Variants in URGCP observed in about 807,000 individuals in gnomAD.
The protein encoded by URGCP is up-regulator of cell proliferation.
In URGCP, 13 loss-of-function variants were observed where a neutral mutation model predicts 24.6. That is an observed-to-expected ratio of 0.53 (90% CI 0.34 to 0.84). URGCP has a LOEUF of 0.84. Among genes scored for constraint, URGCP ranks in the 40% least tolerant of loss-of-function variants. The probability of loss-of-function intolerance (pLI) is 0.01; values close to 1 mark genes in which losing one functional copy is unlikely to be tolerated. For synonymous variants in URGCP, 444 were observed against 487.2 expected, an observed-to-expected ratio of 0.91 and a Z score of 1.17; for missense variants, 899 against 1,194.3, an observed-to-expected ratio of 0.75 and a Z score of 3.64.
chr7:43,893,792 A>G (rs1332547037), intron 1 of URGCP, among the ~76,000 whole-genome samples: 1 of 152,098 alleles, frequency 6.6e-6, no homozygotes, highest in African/African-American at 2.4e-5. Context: ...AATTGCTTGA[A>G]CCCGGGAGAC....
intron 1 of URGCP, among the ~76,000 whole-genome samples, chr7:43,900,162 A>G (rs559297517): frequency 8.6e-5 from 13 of 151,874 alleles, no homozygotes; most frequent in African/African-American, 3.1e-4. Context: ...AAGAAAGAAA[A>G]AAAAAAGTCA....
At chr7:43,914,276 T>C (rs919925592) in intron 1 of URGCP, among the ~76,000 whole-genome samples, 1 of 151,754 alleles carries the variant, frequency 6.6e-6, no homozygotes, top group African/African-American at 2.4e-5. Context: ...TGAGGTGGGG[T>C]GGATTGCTTG....
chr7:43,910,576 C>G (rs1231118869), upstream of URGCP, among the ~76,000 whole-genome samples: 2 of 151,572 alleles, frequency 1.3e-5, no homozygotes, highest in Admixed American at 1.3e-4. Flanking sequence ...TCAAAAAGTC[C>G]TGACATGGTG....
intron 1 of URGCP, among the ~76,000 whole-genome samples, chr7:43,899,380 A>G (rs776430983): frequency 4.0e-5 from 6 of 151,206 alleles, no homozygotes; most frequent in Non-Finnish European, 7.4e-5. Context: ...CAGCCCCCCA[A>G]AATGCCAGGA....
chr7:43,895,527 T>G (rs920617424), intron 1 of URGCP, among the ~76,000 whole-genome samples: 1 of 152,142 alleles, frequency 6.6e-6, no homozygotes, highest in East Asian at 1.9e-4. Flanking sequence ...ATATAAAAAT[T>G]AGCTGGATGT....
chr7:43,891,568 C>T lies in URGCP; in HGVS notation c.15-3752G>A, dbSNP rs560665565. Among the ~76,000 whole-genome samples, 18 of 152,272 alleles carry T rather than the reference C, an allele frequency of 1.2e-4. No individual in the cohort carries two copies. The South Asian group carries it at 2.5e-3, about 21-fold the overall frequency. The stretch of plus-strand genomic sequence containing the variant: ...AAAAATGCAAATTAGCTCACTGCAA[C>T]CTTGGCATTATCAGTACTGCACATA... On this transcript the variant is annotated intron_variant, in intron 1 of 5. Transcript: ENST00000453200.
chr7:43,919,191 G>A (rs2095919178), intron 1 of URGCP: 5 of 889,642 alleles, frequency 5.6e-6, no homozygotes, highest in Middle Eastern at 2.2e-4. Flanking sequence ...TAAGAAGCTG[G>A]TGCAGACATA....
intron 1 of URGCP, 56 bp downstream of exon 1, chr7:43,906,506 C>A: frequency 8.5e-7 from 1 of 1,179,452 alleles, no homozygotes; most frequent in Non-Finnish European, 1.1e-6. Flanking sequence ...CTCCGGGTCC[C>A]GCTCCCGTTC....
At chr7:43,921,884 G>A (rs774332104) in intron 1 of URGCP, among the ~76,000 whole-genome samples, 9 of 151,938 alleles carry the variant, frequency 5.9e-5, no homozygotes, top group Non-Finnish European at 1.3e-4. Context: ...ATACAAGCAC[G>A]AGGTTTTCTT....
At chr7:43,883,878 A>G (rs73108122) in intron 3 of URGCP, among the ~76,000 whole-genome samples, 12,802 of 152,200 alleles carry the variant, frequency 0.084, 645 homozygotes, top group East Asian at 0.14. Context: ...CAAGATCCAC[A>G]CACATCAACC....
intron 1 of URGCP, among the ~76,000 whole-genome samples, chr7:43,922,935 TTTCTTTCC>T (rs1007981893): frequency 6.6e-6 from 1 of 151,860 alleles, no homozygotes; most frequent in Non-Finnish European, 1.5e-5. Flanking sequence ...TCTTTCTTTC[TTTCTTTCC>T]TTCTCTCTTT....
In URGCP at chr7:43,878,161, G is replaced by C. The variant is rs567476529; in HGVS notation, c.1302C>G (p.Ile434Met). The stretch of plus-strand genomic sequence containing the variant: ...AGGGTGCCCGCAGCACATTCCCAAC[G>C]ATGGCCCGGATCCTCTTCACGAAGC... Reference protein sequence around the residue: ...SDSFVKRIRAIVGNVLRAPCR... With the variant: ...SDSFVKRIRAMVGNVLRAPCR... The change falls in exon 6 of 6, where the codon ATC becomes ATG. Residue 434 changes from isoleucine to methionine, a missense_variant. Physicochemically the swap from Ile to Met is conservative, Grantham distance 10. Coordinates refer to ENST00000453200, the MANE Select transcript of URGCP (RefSeq NM_001077663.3). The surrounding 1 kb of genome is among the most constrained non-coding windows in gnomAD (Gnocchi z 5.6). The C allele has an allele frequency of 3.1e-6, 5 of 1,614,238 alleles. No homozygotes were observed. In the South Asian group the frequency reaches 5.5e-5, roughly 18 times the overall value.
At chr7:43,899,141 GTATA>G (rs945401322) in intron 1 of URGCP, among the ~76,000 whole-genome samples, 1 of 144,808 alleles carries the variant, frequency 6.9e-6, no homozygotes, top group Non-Finnish European at 1.5e-5. Flanking sequence ...CTCAAAAAGT[GTATA>G]TATATATTTA....
intron 1 of URGCP, among the ~76,000 whole-genome samples, chr7:43,899,816 T>C (rs1177629095): frequency 6.6e-6 from 1 of 152,158 alleles, no homozygotes; most frequent in Admixed American, 6.5e-5. Flanking sequence ...TTTAGTGCCC[T>C]AAAAGAAAGT....
intron 1 of URGCP, among the ~76,000 whole-genome samples, chr7:43,904,499 A>G (rs1161062822): frequency 6.6e-6 from 1 of 152,196 alleles, no homozygotes; most frequent in Non-Finnish European, 1.5e-5. Context: ...TACCTAGTGC[A>G]GTAGCTTAAA....
chr7:43,878,738 TG>T lies in URGCP; in HGVS notation c.724del (p.Gln242SerfsTer71). On this transcript the variant is annotated frameshift_variant, in exon 6 of 6. Coordinates refer to ENST00000453200, the MANE Select transcript of URGCP (RefSeq NM_001077663.3). LOFTEE classifies it low-confidence loss of function (END_TRUNC). This position sits in a 1 kb window ranked among gnomAD's most constrained non-coding sequence, Gnocchi z 5.6. The part of the protein sequence containing the change: ...MRGIVRTWWS[Q>X]PPRGMGSFRE... ...GAAGCTCCCCATGCCCCTTGGGGGCTGGGACCACCATGTCCTCACAATGCCC... is the reference window on the plus strand; with the variant it reads ...GAAGCTCCCCATGCCCCTTGGGGGCTGGACCACCATGTCCTCACAATGCCC... 6.2e-7 allele frequency: 1 copy of T among 1,614,166 alleles called. No individual in the cohort carries two copies. Among genetic ancestry groups the T allele is most frequent in the Non-Finnish European group, 8.5e-7 (1 of 1,179,994 alleles).
chr7:43,909,718 A>T (rs992553706), upstream of URGCP, among the ~76,000 whole-genome samples: 2 of 149,422 alleles, frequency 1.3e-5, no homozygotes, highest in African/African-American at 4.9e-5. Context: ...TCTCAAAAAT[A>T]AAAATAAAAA....
intron 3 of URGCP, among the ~76,000 whole-genome samples, chr7:43,884,620 G>T (rs2095859372): frequency 6.6e-6 from 1 of 152,184 alleles, no homozygotes; most frequent in Non-Finnish European, 1.5e-5. Flanking sequence ...CTTGAGTTCA[G>T]GAGTTCAAGA....
At chr7:43,916,711 ACC>A (rs1352266678) in intron 1 of URGCP, among the ~76,000 whole-genome samples, 10 of 39,206 alleles carry the variant, frequency 2.6e-4, no homozygotes, top group African/African-American at 8.9e-4. Context: ...CTCCCTACCC[ACC>A]CCCCCCCCCC....
Sources: allele counts gnomAD v4.1 joint callset (sites outside exome capture counted in the v4.1 genomes callset), GRCh38; gene constraint gnomAD v4.1.1; non-coding constraint Gnocchi (gnomAD v3.1); transcripts MANE v1.5; gene names NCBI Gene and HGNC (gene_info 2026-07-23, HGNC 2026-07-21).